SLC12A1: variants seen among roughly 807,000 people sequenced by gnomAD.
SLC12A1 encodes the protein Na-K-2Cl cotransporter.
SLC12A1 carries 89 observed loss-of-function variants against 130.4 expected under a neutral mutation model. The ratio of observed to expected loss-of-function variants is 0.68; its 90% confidence interval spans 0.58 to 0.81. SLC12A1 has a LOEUF of 0.81. SLC12A1 is among the 40% of genes least tolerant of loss of function. SLC12A1 has a pLI of 0.00. For synonymous variants in SLC12A1, 499 were observed against 460.0 expected, an observed-to-expected ratio of 1.08 and a Z score of -1.09; for missense variants, 1,310 against 1,336.4, an observed-to-expected ratio of 0.98 and a Z score of 0.31.
chr15:48,230,635 C>G (rs376452172), intron 7 of SLC12A1, 132 bp downstream of exon 7: 1 of 661,626 alleles, frequency 1.5e-6, no homozygotes. Flanking sequence ...CAGGCAAGTG[C>G]TAGGTGGAAC....
At position 48,220,982 on chromosome 15, in the gene SLC12A1, G is replaced by C. The variant is rs200137850; in HGVS notation, c.614G>C (p.Gly205Ala). 1.4e-5 allele frequency: 22 copies of C among 1,613,956 alleles called. No individual in the cohort carries two copies. Among genetic ancestry groups the C allele is most frequent in the Non-Finnish European group, 1.9e-5 (22 of 1,179,864 alleles). Residue 205 changes from glycine (G) to alanine (A), a missense_variant, in exon 4 of 27, where the codon GGA becomes GCA. Transcript: ENST00000380993. ...TTCATTCGCCTCTCCTGGATTGTTG[G>C]AGAAGCTGGAATTGGTAAGCATTTT... ...MLFIRLSWIV[G>A]EAGIGLGVLI...
chr15:48,295,465 C>G (rs2042168710), intron 24 of SLC12A1, among the ~76,000 whole-genome samples: 1 of 152,018 alleles, frequency 6.6e-6, no homozygotes, highest in South Asian at 2.1e-4. Context: ...TTCCATTAAC[C>G]AAGCCTCTTT....
intron 24 of SLC12A1, among the ~76,000 whole-genome samples, chr15:48,297,784 A>G (rs17350938): frequency 0.12 from 18,921 of 152,144 alleles, 1,299 homozygotes; most frequent in Admixed American, 0.17. Context: ...CCCCTTTTAT[A>G]GCCTAGAATA....
rs987956382 is a variant in SLC12A1 at position 48,269,607 on chromosome 15, T to G, written c.2296-51T>G. On this transcript the variant is annotated intron_variant, in intron 18 of 26. Transcript: ENST00000380993. ...AGACATTATTTTTCATTTGTGATGG[T>G]AGTTTCCCAGTACGGTAAGGATTGC... 8 of 903,550 alleles carry G rather than the reference T, an allele frequency of 8.9e-6. No individual in the cohort carries two copies. The South Asian group carries it at 1.1e-4, about 13-fold the overall frequency. 56.0% of individuals were successfully genotyped at this position (903,550 alleles called of 1,614,324 possible). A position where few individuals can be genotyped will look rare whatever the true frequency, so the allele number is the denominator to read the frequency against.
intron 10 of SLC12A1, among the ~76,000 whole-genome samples, chr15:48,244,392 CT>C (rs1450963956): frequency 6.6e-6 from 1 of 152,130 alleles, no homozygotes; most frequent in African/African-American, 2.4e-5. Context: ...GAAATAAATC[CT>C]TCTACTTGAA....
intron 24 of SLC12A1, among the ~76,000 whole-genome samples, chr15:48,298,577 G>C (rs963847639): frequency 3.9e-5 from 6 of 152,290 alleles, no homozygotes; most frequent in African/African-American, 1.4e-4. Context: ...TGCAGAAAAC[G>C]TCCAAATTGT....
intron 26 of SLC12A1, among the ~76,000 whole-genome samples, chr15:48,301,999 G>A (rs914086742): frequency 4.6e-5 from 7 of 152,098 alleles, no homozygotes; most frequent in African/African-American, 7.2e-5. Flanking sequence ...ATATCTTCAC[G>A]TAGTGTAGAC....
intron 8 of SLC12A1, 77 bp from the exon 9 acceptor site, chr15:48,234,800 G>A: frequency 7.2e-7 from 1 of 1,396,036 alleles, no homozygotes; most frequent in Non-Finnish European, 1.0e-6. Flanking sequence ...TTTAGGACTA[G>A]GGAAGCCAAT....
chr15:48,250,015 A>G (rs963654162), intron 14 of SLC12A1, among the ~76,000 whole-genome samples: 4 of 152,194 alleles, frequency 2.6e-5, no homozygotes, highest in Non-Finnish European at 5.9e-5. Context: ...TAATCTATAT[A>G]TTTGAAACTT....
chr15:48,220,052 T>C (rs968372387), intron 2 of SLC12A1, among the ~76,000 whole-genome samples: 39 of 142,650 alleles, frequency 2.7e-4, no homozygotes, highest in African/African-American at 1.0e-3. Context: ...CAGGTTGCAG[T>C]GAGCCAAGAT....
chr15:48,217,922 T>A (rs1398110053), intron 2 of SLC12A1: 4 of 152,524 alleles, frequency 2.6e-5, no homozygotes, highest in Admixed American at 6.5e-5. Context: ...TCCTCCCACT[T>A]CAGCCTCCCA....
intron 19 of SLC12A1, among the ~76,000 whole-genome samples, chr15:48,272,434 G>A (rs1275896993): frequency 6.6e-6 from 1 of 151,938 alleles, no homozygotes; most frequent in Non-Finnish European, 1.5e-5. Context: ...TTGTTTGTTT[G>A]TTTGTTTTTT....
At chr15:48,252,469 T>C (rs2041659256) in intron 15 of SLC12A1, among the ~76,000 whole-genome samples, 1 of 152,164 alleles carries the variant, frequency 6.6e-6, no homozygotes, top group Non-Finnish European at 1.5e-5. Context: ...AAATTAGATA[T>C]AGTCCCTGTC....
At chr15:48,294,087 C>T (rs755382471) in intron 24 of SLC12A1, among the ~76,000 whole-genome samples, 16 of 150,820 alleles carry the variant, frequency 1.1e-4, no homozygotes, top group East Asian at 3.9e-4. Flanking sequence ...CTGTGACTCA[C>T]GCCTGTAATC....
At chr15:48,267,737 A>C in intron 18 of SLC12A1, 36 bp downstream of exon 18, 2 of 1,609,222 alleles carry the variant, frequency 1.2e-6, no homozygotes, top group African/African-American at 1.3e-5. Context: ...ACAGAGGCAA[A>C]AGACAATTAG....
chr15:48,263,625 T>C (rs1036859221), intron 17 of SLC12A1, among the ~76,000 whole-genome samples: 1 of 150,814 alleles, frequency 6.6e-6, no homozygotes, highest in Admixed American at 6.6e-5. Flanking sequence ...CCAGATGCAG[T>C]GAGTCCCTGC....
chr15:48,232,894 T>C (rs556381576), intron 8 of SLC12A1, 56 bp downstream of exon 8: 1 of 1,051,626 alleles, frequency 9.5e-7, no homozygotes, highest in South Asian at 1.3e-5. Flanking sequence ...GCCCTCCTCA[T>C]CACCATCCCC....
intron 20 of SLC12A1, 134 bp downstream of exon 20, chr15:48,274,787 G>A (rs1368088209): frequency 1.9e-5 from 11 of 582,740 alleles, no homozygotes; most frequent in East Asian, 5.7e-5. Flanking sequence ...AGTGCTACTC[G>A]TAGTGCATAT....
chr15:48,273,708 C>A (rs763843115), intron 19 of SLC12A1, among the ~76,000 whole-genome samples: 55 of 152,154 alleles, frequency 3.6e-4, no homozygotes, highest in Non-Finnish European at 6.6e-4. Context: ...TTGCACCAAA[C>A]TTATGTATAC....
Sources: gnomAD v4.1 joint callset for allele counts (sites outside exome capture counted in the v4.1 genomes callset) on GRCh38, gnomAD v4.1.1 for gene constraint, MANE v1.5 for transcripts, NCBI Gene and HGNC (gene_info 2026-07-23, HGNC 2026-07-21) for gene names.